MED20: variants seen among roughly 807,000 people sequenced by gnomAD.
MED20 encodes mediator complex subunit 20, also known as mediator of RNA polymerase II transcription subunit 20.
In MED20, 19 loss-of-function variants were observed where a neutral mutation model predicts 19.7. The ratio of observed to expected loss-of-function variants is 0.96; its 90% CI spans 0.67 to 1.42. The LOEUF is 1.42. MED20 is among the 40% of genes most tolerant of loss of function. MED20 has a pLI of 0.00. For synonymous variants in MED20, 105 were observed against 104.8 expected, an observed-to-expected ratio of 1.00 and a Z score of -0.01; for missense variants, 225 against 273.0, an observed-to-expected ratio of 0.82 and a Z score of 1.24.
At chr6:41,917,634 C>T (rs972255419) in intron 1 of MED20, 2 of 396,900 alleles carry the variant, frequency 5.0e-6, no homozygotes, top group Non-Finnish European at 1.1e-5. Flanking sequence ...CTTCCTATCA[C>T]AGGGCGTTCT....
In MED20 at chr6:41,916,770, A is replaced by T. The variant is rs763930938; in HGVS notation, c.169+15T>A. The T allele has an allele frequency of 1.2e-6, 2 of 1,613,764 alleles. No homozygotes were observed. Among genetic ancestry groups the T allele is most frequent in the Non-Finnish European group, 1.7e-6 (2 of 1,179,810 alleles). On this transcript the variant is annotated intron_variant, in intron 2 of 3. Coordinates refer to ENST00000265350, the MANE Select transcript of MED20 (RefSeq NM_004275.5). ...AAGCCTGGTTCCAGCCATCCTACAG[A>T]CCCATCTCACTGACCTTGGCTGCCA...
intron 2 of MED20, among the ~76,000 whole-genome samples, chr6:41,911,983 G>A (rs531702520): frequency 6.6e-6 from 1 of 152,136 alleles, no homozygotes; most frequent in African/African-American, 2.4e-5. Flanking sequence ...AGTCAACTAA[G>A]GGGTGTGTGT....
At chr6:41,917,845 G>T in intron 1 of MED20, 1 of 466,346 alleles carries the variant, frequency 2.1e-6, no homozygotes, top group Non-Finnish European at 4.5e-6. Context: ...GCCACAGGTG[G>T]CTGGGACTAG....
chr6:41,912,031 A>T (rs150390756), intron 2 of MED20, among the ~76,000 whole-genome samples: 105 of 151,466 alleles, frequency 6.9e-4, no homozygotes, highest in Middle Eastern at 3.4e-3. Flanking sequence ...GTTGTTATGG[A>T]CAATAACATT....
chr6:41,917,714 G>A (rs969824727), intron 1 of MED20: 7 of 467,268 alleles, frequency 1.5e-5, no homozygotes, highest in Admixed American at 9.4e-5. Flanking sequence ...GTCATATAAT[G>A]AAAAAGGGAT....
chr6:41,913,451 T>C (rs541184543), intron 2 of MED20, among the ~76,000 whole-genome samples: 9 of 152,328 alleles, frequency 5.9e-5, no homozygotes, highest in Admixed American at 4.6e-4. Context: ...CCATCTCATA[T>C]CTATATCCAA....
At position 41,906,470 on chromosome 6, in the gene MED20, C is replaced by A. The variant is rs1273217504; in HGVS notation, c.*602G>T. The A allele has an allele frequency of 2.0e-5, 3 of 152,624 alleles. No individual in the cohort carries two copies. The highest frequency in any genetic ancestry group is 3.8e-4 in the East Asian group (2 of 5,206). The allele number at this position is 152,624 out of a possible 1,614,324, so 9.5% of individuals were successfully genotyped here. A position where few individuals can be genotyped will look rare whatever the true frequency, so the allele number is the denominator to read the frequency against. ...TTGGCCTGTGGCTTAACATATTTCACAACAGAAGGGAAAGATGTCAGAAGG... is the reference window on the plus strand; with the variant it reads ...TTGGCCTGTGGCTTAACATATTTCAAAACAGAAGGGAAAGATGTCAGAAGG... On this transcript the variant is annotated 3_prime_UTR_variant, in exon 4 of 4. Transcript: ENST00000265350.
chr6:41,916,745 A>C (rs1775324014), intron 2 of MED20, 40 bp downstream of exon 2: 2 of 1,609,842 alleles, frequency 1.2e-6, no homozygotes, highest in African/African-American at 2.7e-5. Flanking sequence ...TCTTAACTCC[A>C]AGCCTGGTTC....
intron 3 of MED20, among the ~76,000 whole-genome samples, chr6:41,907,789 A>G (rs2127373796): frequency 6.6e-6 from 1 of 152,266 alleles, no homozygotes; most frequent in African/African-American, 2.4e-5. Flanking sequence ...ATAGTGTGTC[A>G]TGGGCCAAAA....
In MED20 at chr6:41,916,709, G is replaced by T. The variant is rs1775323312; in HGVS notation, c.169+76C>A. The T allele has an allele frequency of 2.6e-5, 41 of 1,554,518 alleles. No individual in the cohort carries two copies. The South Asian group carries it at 4.6e-4, about 18-fold the overall frequency. ...GAATACCACCTTTAGCAGAAAAGCA[G>T]AAAGACTTCAATTAACTCAAATGTC... On this transcript the variant is annotated intron_variant, in intron 2 of 3. Coordinates refer to ENST00000265350, the MANE Select transcript of MED20 (RefSeq NM_004275.5).
chr6:41,919,105 G>A (rs1775393060), intron 1 of MED20, among the ~76,000 whole-genome samples: 1 of 146,524 alleles, frequency 6.8e-6, no homozygotes, highest in Non-Finnish European at 1.5e-5. Flanking sequence ...CTCCAGCCTG[G>A]GCAACAGAGT....
At chr6:41,911,738 C>T (rs556218569) in intron 2 of MED20, among the ~76,000 whole-genome samples, 9 of 152,222 alleles carry the variant, frequency 5.9e-5, no homozygotes, top group African/African-American at 1.7e-4. Context: ...GGCTGCTGTG[C>T]GTGAACACAG....
intron 2 of MED20, among the ~76,000 whole-genome samples, chr6:41,912,808 A>G (rs186252219): frequency 2.8e-4 from 43 of 152,218 alleles, no homozygotes; most frequent in Middle Eastern, 3.4e-3. Flanking sequence ...CCACCTGGGA[A>G]CTTATTAGAA....
Position 41,907,032 on chromosome 6 carries a change from G to A in MED20, c.*40C>T. On this transcript the variant is annotated 3_prime_UTR_variant, in exon 4 of 4. Transcript: ENST00000265350. ...AGTCAGCACCTGCTCCTCCTGTGGA[G>A]TACCCCTGGTGACAGAGCTCAGCTG... 6.3e-7 allele frequency: 1 copy of A among 1,591,656 alleles called. No homozygotes were observed. Among genetic ancestry groups the A allele is most frequent in the Non-Finnish European group, 8.6e-7 (1 of 1,162,374 alleles).
intron 2 of MED20, 141 bp downstream of exon 2, chr6:41,916,644 G>T (rs1561939276): frequency 5.0e-6 from 5 of 1,002,070 alleles, no homozygotes; most frequent in East Asian, 2.4e-5. Context: ...AAAGAACCAA[G>T]AATTAATGAC....
At position 41,907,019 on chromosome 6, in the gene MED20, C is replaced by T. The variant is rs1290257406; in HGVS notation, c.*53G>A. ...CCAGGGACCTGAAAGTCAGCACCTG[C>T]TCCTCCTGTGGAGTACCCCTGGTGA... is the stretch of plus-strand genomic sequence containing the variant. On this transcript the variant is annotated 3_prime_UTR_variant, in exon 4 of 4. Coordinates refer to ENST00000265350, the MANE Select transcript of MED20 (RefSeq NM_004275.5). 1.9e-6 allele frequency: 3 copies of T among 1,553,672 alleles called. No homozygotes were observed. Among genetic ancestry groups the T allele is most frequent in the Non-Finnish European group, 8.8e-7 (1 of 1,130,956 alleles).
chr6:41,920,923 G>A (rs982629895), intron 1 of MED20, 82 bp downstream of exon 1: 1 of 1,544,760 alleles, frequency 6.5e-7, no homozygotes, highest in African/African-American at 1.4e-5. Context: ...AGCTCCCAGA[G>A]GACGGCGGAC....
At chr6:41,917,022 G>A (rs1775332570) in intron 1 of MED20, 83 bp from the exon 2 acceptor site, 4 of 1,420,396 alleles carry the variant, frequency 2.8e-6, no homozygotes, top group Non-Finnish European at 3.9e-6. Context: ...CAGCATCACA[G>A]CTCATCAGGG....
In MED20 at chr6:41,906,991, G is replaced by T; in HGVS notation, c.*81C>A. The T allele has an allele frequency of 7.7e-7, 1 of 1,302,476 alleles. No homozygotes were observed. The highest frequency in any genetic ancestry group is 1.1e-6 in the Non-Finnish European group (1 of 918,882). 80.7% of individuals were successfully genotyped at this position (1,302,476 alleles called of 1,614,324 possible). ...GTCCATGTCTACCCTGGGTTTCTGG[G>T]GTCCAGGGACCTGAAAGTCAGCACC... On this transcript the variant is annotated 3_prime_UTR_variant, in exon 4 of 4. Transcript: ENST00000265350.
Sources: allele counts gnomAD v4.1 joint callset (sites outside exome capture counted in the v4.1 genomes callset), GRCh38; gene constraint gnomAD v4.1.1; transcripts MANE v1.5; gene names NCBI Gene and HGNC (gene_info 2026-07-23, HGNC 2026-07-21).